The following CTNND2 variants were observed in gnomAD, a reference collection of about 807,000 sequenced individuals.
CTNND2 encodes the protein catenin delta 2.
CTNND2 carries 22 observed loss-of-function variants against 144.4 expected under a neutral mutation model. That is an observed-to-expected ratio of 0.15 (90% CI 0.11 to 0.22). The LOEUF is 0.22. CTNND2 is among the 10% of genes least tolerant of loss of function. The probability of loss-of-function intolerance (pLI) is 1.00; values close to 1 mark genes in which losing one functional copy is unlikely to be tolerated. For synonymous variants in CTNND2, 751 were observed against 695.6 expected (o/e 1.08, Z -1.25); for missense variants, 1,353 against 1,618.8 (o/e 0.84, Z 2.82).
chr5:11,357,685 G>A (rs1178387514), intron 8 of CTNND2, among the ~76,000 whole-genome samples: 1 of 152,072 alleles, frequency 6.6e-6, no homozygotes, highest in Non-Finnish European at 1.5e-5. Flanking sequence ...AGAGGCTTTT[G>A]AATGTTCTCA....
chr5:11,020,559 T>C (rs1442005751), intron 17 of CTNND2, among the ~76,000 whole-genome samples: 2 of 152,162 alleles, frequency 1.3e-5, no homozygotes, highest in Non-Finnish European at 2.9e-5. Context: ...ATACCTACTA[T>C]TATAATAGAA....
intron 7 of CTNND2, among the ~76,000 whole-genome samples, chr5:11,374,502 A>G (rs1369626255): frequency 6.6e-6 from 1 of 152,140 alleles, no homozygotes; most frequent in East Asian, 1.9e-4. Context: ...TGTCCTGATT[A>G]ACTACAGATG....
intron 1 of CTNND2, among the ~76,000 whole-genome samples, chr5:11,837,326 T>C (rs182885599): frequency 1.1e-3 from 172 of 152,344 alleles, no homozygotes; most frequent in African/African-American, 3.8e-3. Flanking sequence ...CAGAAAGTCA[T>C]TGGAAGTATA....
chr5:11,628,423 C>T (rs931558783), intron 2 of CTNND2, among the ~76,000 whole-genome samples: 11 of 152,132 alleles, frequency 7.2e-5, no homozygotes, highest in Admixed American at 2.0e-4. Flanking sequence ...TCAGAATCTG[C>T]ATGTAAAAGA....
chr5:11,363,471 G>A (rs1756662935), intron 8 of CTNND2, among the ~76,000 whole-genome samples: 2 of 152,022 alleles, frequency 1.3e-5, no homozygotes, highest in Admixed American at 1.3e-4. Context: ...TGCTAAAGTA[G>A]CCCAACTCCA....
chr5:11,901,262 C>G (rs1737856798), intron 1 of CTNND2, among the ~76,000 whole-genome samples: 2 of 152,166 alleles, frequency 1.3e-5, no homozygotes, highest in South Asian at 4.1e-4. Flanking sequence ...TAAGGCAAAA[C>G]AGAAAAGAGC....
intron 11 of CTNND2, among the ~76,000 whole-genome samples, chr5:11,177,780 AG>A (rs1046904015): frequency 2.0e-5 from 3 of 152,182 alleles, no homozygotes; most frequent in African/African-American, 7.2e-5. Flanking sequence ...TTTGATATTA[AG>A]TTGTTCTTTA....
intron 8 of CTNND2, among the ~76,000 whole-genome samples, chr5:11,348,018 A>G (rs1034101433): frequency 9.8e-5 from 15 of 152,336 alleles, no homozygotes; most frequent in Non-Finnish European, 1.9e-4. Flanking sequence ...TTAGAATTAC[A>G]AAAATTTAGG....
intron 3 of CTNND2, among the ~76,000 whole-genome samples, chr5:11,471,544 T>C (rs1260450112): frequency 2.0e-5 from 3 of 152,228 alleles, no homozygotes; most frequent in Admixed American, 6.5e-5. Context: ...AATAATGGTT[T>C]TGATAAAGGT....
intron 9 of CTNND2, among the ~76,000 whole-genome samples, chr5:11,316,903 G>A (rs1297919783): frequency 6.6e-6 from 1 of 152,004 alleles, no homozygotes. Context: ...TTGGACATTT[G>A]GGTTGGTTCC....
intron 1 of CTNND2, among the ~76,000 whole-genome samples, chr5:11,733,816 A>T (rs1183320897): frequency 1.3e-5 from 2 of 152,232 alleles, no homozygotes; most frequent in Non-Finnish European, 2.9e-5. Flanking sequence ...GCATATGTAC[A>T]GGTTAAAAAC....
chr5:11,405,708 A>G (rs1340448816), intron 5 of CTNND2, among the ~76,000 whole-genome samples: 1 of 152,186 alleles, frequency 6.6e-6, no homozygotes, highest in Non-Finnish European at 1.5e-5. Flanking sequence ...GTTTTCCCTC[A>G]GCTTTTGCCC....
Position 11,045,825 on chromosome 5 carries a change from C to T in CTNND2, c.2789-22846G>A, listed in dbSNP as rs570786919. Among the ~76,000 whole-genome samples, 90 of 152,312 alleles carry T rather than the reference C, an allele frequency of 5.9e-4. 1 individual carries two copies. Among genetic ancestry groups the T allele is most frequent in the African/African-American group, 2.1e-3 (87 of 41,562 alleles). The stretch of plus-strand genomic sequence containing the variant: ...ATTTTTGGGGGGCCACCATCTCACC[C>T]ACTACACTTTCCTTATCTCCTCTCC... On this transcript the variant is annotated intron_variant, in intron 16 of 21. Transcript: ENST00000304623.
intron 3 of CTNND2, among the ~76,000 whole-genome samples, chr5:11,444,693 C>T (rs1438971015): frequency 6.6e-6 from 1 of 152,054 alleles, no homozygotes; most frequent in African/African-American, 2.4e-5. Flanking sequence ...CAGAGTGAGA[C>T]TCTGTCTAAA....
intron 11 of CTNND2, among the ~76,000 whole-genome samples, chr5:11,183,566 T>C (rs1257732910): frequency 6.6e-6 from 1 of 151,864 alleles, no homozygotes; most frequent in South Asian, 2.1e-4. Context: ...TTTTGGTTTT[T>C]TTTTTTTTGA....
chr5:11,056,510 G>T (rs1412836449), intron 16 of CTNND2, among the ~76,000 whole-genome samples: 2 of 152,092 alleles, frequency 1.3e-5, no homozygotes, highest in Non-Finnish European at 2.9e-5. Flanking sequence ...AGAAACAGGG[G>T]TCTCACTGTC....
chr5:11,882,588 G>C (rs1225380555), intron 1 of CTNND2, among the ~76,000 whole-genome samples: 1 of 152,026 alleles, frequency 6.6e-6, no homozygotes, highest in South Asian at 2.1e-4. Flanking sequence ...TGTATTCTTG[G>C]AACCTTTGTC....
At chr5:11,329,282 G>A (rs1752838000) in intron 9 of CTNND2, among the ~76,000 whole-genome samples, 1 of 152,150 alleles carries the variant, frequency 6.6e-6, no homozygotes, top group Non-Finnish European at 1.5e-5. Flanking sequence ...CAGCCTCTGA[G>A]TAGCTGGGAC....
chr5:11,861,958 C>A (rs973627562), intron 1 of CTNND2, among the ~76,000 whole-genome samples: 1 of 152,154 alleles, frequency 6.6e-6, no homozygotes, highest in Non-Finnish European at 1.5e-5. Flanking sequence ...ATGTAACCTA[C>A]CCTGACTACC....
Sources: gnomAD v4.1 joint callset for allele counts (sites outside exome capture counted in the v4.1 genomes callset) on GRCh38, gnomAD v4.1.1 for gene constraint, MANE v1.5 for transcripts, NCBI Gene and HGNC (gene_info 2026-07-23, HGNC 2026-07-21) for gene names.